Variants in ZBTB20 observed in about 807,000 individuals in gnomAD.
ZBTB20 encodes zinc finger and BTB domain-containing protein 20.
ZBTB20 carries 9 observed loss-of-function variants against 56.9 expected under a neutral mutation model. The ratio of observed to expected loss-of-function variants is 0.16; its 90% CI spans 0.10 to 0.28. ZBTB20 has a LOEUF of 0.28. Among genes scored for constraint, ZBTB20 ranks in the 10% least tolerant of loss-of-function variants. The pLI is 1.00. For missense variants in ZBTB20, 655 were observed against 1,003.0 expected (o/e 0.65, Z 4.69); for synonymous variants, 417 against 420.7 (o/e 0.99, Z 0.11).
At chr3:114,787,394 T>TATATACATATATATACGTGTGTACAC (rs1560250146) in intron 5 of ZBTB20, among the ~76,000 whole-genome samples, 1 of 135,356 alleles carries the variant, frequency 7.4e-6, no homozygotes, top group African/African-American at 3.1e-5. Flanking sequence ...CACACACACA[T>TATATACATATATATACGTGTGTACAC]ATATATACAT....
At chr3:114,803,134 C>CTTTTTTTTTT (rs554074169) in intron 4 of ZBTB20, among the ~76,000 whole-genome samples, 1 of 142,220 alleles carries the variant, frequency 7.0e-6, no homozygotes, top group South Asian at 2.2e-4. Flanking sequence ...CTTTTTCCTT[C>CTTTTTTTTTT]TTTTTTTTTT....
chr3:114,632,787 G>A (rs1383004115), intron 6 of ZBTB20, among the ~76,000 whole-genome samples: 1 of 152,162 alleles, frequency 6.6e-6, no homozygotes, highest in African/African-American at 2.4e-5. Context: ...TGATAATCAG[G>A]TAATAAGACT....
chr3:115,015,810 T>C (rs1014662345), intron 2 of ZBTB20, among the ~76,000 whole-genome samples: 7 of 151,974 alleles, frequency 4.6e-5, no homozygotes, highest in African/African-American at 1.7e-4. Context: ...AATAAAATGA[T>C]TTATATTCCT....
intron 3 of ZBTB20, among the ~76,000 whole-genome samples, chr3:114,928,584 T>C (rs1227038753): frequency 6.6e-6 from 1 of 152,192 alleles, no homozygotes; most frequent in East Asian, 1.9e-4. Context: ...TTCACGCAAG[T>C]GCAAAAAAAT....
chr3:115,002,186 A>G (rs2079279084), intron 2 of ZBTB20, among the ~76,000 whole-genome samples: 2 of 151,542 alleles, frequency 1.3e-5, no homozygotes, highest in East Asian at 3.9e-4. Context: ...CACATGAAAA[A>G]AAATCTAGAC....
At chr3:114,850,241 C>A (rs2074932730) in intron 4 of ZBTB20, among the ~76,000 whole-genome samples, 1 of 152,104 alleles carries the variant, frequency 6.6e-6, no homozygotes, top group Non-Finnish European at 1.5e-5. Context: ...TATATAGCAA[C>A]ACTCATAACT....
At chr3:114,831,296 T>C (rs1277502416) in intron 4 of ZBTB20, among the ~76,000 whole-genome samples, 1 of 151,804 alleles carries the variant, frequency 6.6e-6, no homozygotes, top group Non-Finnish European at 1.5e-5. Context: ...GGGCGCAAGC[T>C]CAGAAACCCA....
intron 10 of ZBTB20, among the ~76,000 whole-genome samples, chr3:114,371,964 G>T (rs936740319): frequency 3.3e-5 from 5 of 151,934 alleles, no homozygotes; most frequent in African/African-American, 7.3e-5. Flanking sequence ...AAGTAATAAG[G>T]TATGTGATTA....
At chr3:114,718,516 T>C (rs1179218605) in intron 5 of ZBTB20, among the ~76,000 whole-genome samples, 1 of 152,108 alleles carries the variant, frequency 6.6e-6, no homozygotes, top group African/African-American at 2.4e-5. Flanking sequence ...TCCTCACATC[T>C]GGCTCTAAGA....
chr3:114,917,579 T>C (rs952911084), intron 3 of ZBTB20, among the ~76,000 whole-genome samples: 6 of 152,300 alleles, frequency 3.9e-5, no homozygotes, highest in Non-Finnish European at 5.9e-5. Context: ...TGTGTCTACA[T>C]TGGGGGCACT....
At chr3:114,770,113 A>G (rs1523265) in intron 5 of ZBTB20, among the ~76,000 whole-genome samples, 129,207 of 151,786 alleles carry the variant, frequency 0.85, 56,018 homozygotes, top group East Asian at 0.98. Flanking sequence ...AGAGTGGGAA[A>G]GGGGCGAGGG....
At chr3:114,696,083 G>C (rs1477938437) in intron 5 of ZBTB20, among the ~76,000 whole-genome samples, 1 of 151,984 alleles carries the variant, frequency 6.6e-6, no homozygotes, top group Non-Finnish European at 1.5e-5. Flanking sequence ...CACAAATACA[G>C]AGATGGGATA....
At chr3:115,051,014 C>T (rs1187108306) in intron 2 of ZBTB20, among the ~76,000 whole-genome samples, 2 of 151,998 alleles carry the variant, frequency 1.3e-5, no homozygotes, top group Non-Finnish European at 2.9e-5. Flanking sequence ...AATTCCTATA[C>T]TCAGAAATTC....
intron 2 of ZBTB20, among the ~76,000 whole-genome samples, chr3:115,055,189 C>A (rs184719492): frequency 7.4e-6 from 1 of 134,698 alleles, no homozygotes; most frequent in African/African-American, 2.9e-5. Flanking sequence ...TCCTGGTAAT[C>A]TCTCTCTCTC....
Position 114,438,508 on chromosome 3 carries a change from C to T in ZBTB20, c.-254-49403G>A, listed in dbSNP as rs2090690363. 2.6e-5 allele frequency among the ~76,000 whole-genome samples: 4 copies of T among 151,770 alleles called. No individual in the cohort carries two copies. The South Asian group carries it at 8.3e-4, about 32-fold the overall frequency. On this transcript the variant is annotated intron_variant, in intron 7 of 11. Transcript: ENST00000675478. ...GATTACAAAACAAGATCACCTTGAT[C>T]ATAATCATCTCAAGGTGCTTGGAGG...
At chr3:114,901,256 G>T (rs948646306) in intron 3 of ZBTB20, among the ~76,000 whole-genome samples, 3 of 150,194 alleles carry the variant, frequency 2.0e-5, no homozygotes, top group Non-Finnish European at 3.0e-5. Context: ...CAAGAGAGAG[G>T]CTCCATCTCA....
intron 5 of ZBTB20, among the ~76,000 whole-genome samples, chr3:114,713,673 G>A (rs539456191): frequency 2.0e-5 from 3 of 152,276 alleles, no homozygotes; most frequent in African/African-American, 7.2e-5. Context: ...GCCAGGCTTT[G>A]AACATTGAAG....
chr3:114,400,533 C>T (rs1225040743), intron 7 of ZBTB20, among the ~76,000 whole-genome samples: 1 of 152,126 alleles, frequency 6.6e-6, no homozygotes, highest in Admixed American at 6.5e-5. Flanking sequence ...CCCACTCCAT[C>T]CTCTCCTCTC....
intron 6 of ZBTB20, chr3:114,520,262 C>T (rs567481316): frequency 6.6e-6 from 1 of 151,888 alleles, no homozygotes; most frequent in African/African-American, 2.4e-5. Context: ...TATGATGTAC[C>T]CCCCACACAA....
Sources: gnomAD v4.1 joint callset for allele counts (sites outside exome capture counted in the v4.1 genomes callset) on GRCh38, gnomAD v4.1.1 for gene constraint, MANE v1.5 for transcripts, NCBI Gene and HGNC (gene_info 2026-07-23, HGNC 2026-07-21) for gene names.